The following FKBP6 variants were observed in gnomAD, a reference collection of about 807,000 sequenced individuals.
The protein encoded by FKBP6 is FKBP prolyl isomerase family member 6 (inactive), also known as inactive peptidyl-prolyl cis-trans isomerase FKBP6.
A neutral mutation model predicts 41.7 loss-of-function variants in FKBP6; 29 were observed. That is an observed-to-expected ratio of 0.70 (90% confidence interval 0.52 to 0.95). The LOEUF (loss-of-function observed/expected upper bound fraction) is 0.95, where lower values mean the gene tolerates loss of function less well. Among genes scored for constraint, FKBP6 ranks in the 40% least tolerant of loss-of-function variants. FKBP6 has a pLI of 0.00. For missense variants in FKBP6, 338 were observed against 408.7 expected (o/e 0.83, Z 1.49); for synonymous variants, 130 against 165.1 (o/e 0.79, Z 1.63).
chr7:73,341,333 G>GAGCA lies in FKBP6; in HGVS notation c.846_849dup (p.Pro284AlafsTer6). 6.2e-7 allele frequency: 1 copy of GAGCA among 1,613,818 alleles called. No homozygotes were observed. Among genetic ancestry groups the GAGCA allele is most frequent in the Non-Finnish European group, 8.5e-7 (1 of 1,179,720 alleles). On this transcript the variant is annotated frameshift_variant, in exon 7 of 9. Transcript: ENST00000252037. LOFTEE classifies it high-confidence loss of function. Reference sequence around the variant, plus strand: ...GGATTTTCTAGTTCGAGCCCAGAAGGAGCAACCCTTCAATCATGACATCAA... The same window carrying GAGCA: ...GGATTTTCTAGTTCGAGCCCAGAAGGAGCAAGCAACCCTTCAATCATGACATCAA...
rs375176794 is a variant in FKBP6, at chr7:73,330,301, G to C, written c.417G>C (p.Leu139=). Residue 139 remains leucine (L), a synonymous_variant, in exon 4 of 9, where the codon CTG becomes CTC. Transcript: ENST00000252037. ...CCACTGTCCTGTTTGAGATTGAGCT[G>C]CTTGACTTCCTGGACTGTGCTGAGT... The part of the protein sequence containing the change: ...PNTTVLFEIE[L]LDFLDCAESD... 5.6e-6 allele frequency: 9 copies of C among 1,614,074 alleles called. No homozygotes were observed. The African/African-American group carries it at 8.0e-5, about 14-fold the overall frequency.
intron 8 of FKBP6, among the ~76,000 whole-genome samples, chr7:73,344,299 C>G (rs1425956729): frequency 6.6e-6 from 1 of 152,244 alleles, no homozygotes; most frequent in African/African-American, 2.4e-5. Flanking sequence ...TCCTCGCCAT[C>G]ATGTTTGCTT....
chr7:73,335,290 C>T (rs1449221452), intron 5 of FKBP6, among the ~76,000 whole-genome samples: 2 of 152,178 alleles, frequency 1.3e-5, no homozygotes, highest in Non-Finnish European at 2.9e-5. Context: ...ATTGGGAGCT[C>T]CAGGTGCTTG....
At chr7:73,336,521 G>A (rs183005800) in intron 5 of FKBP6, among the ~76,000 whole-genome samples, 20 of 152,222 alleles carry the variant, frequency 1.3e-4, no homozygotes, top group African/African-American at 4.1e-4. Flanking sequence ...GCTGGAGCTC[G>A]TGAAAACTCA....
chr7:73,328,563 A>T lies in FKBP6; in HGVS notation c.58-12A>T, dbSNP rs781868603. The T allele has an allele frequency of 6.3e-7, 1 of 1,583,776 alleles. No homozygotes were observed. The highest frequency in any genetic ancestry group is 2.3e-5 in the East Asian group (1 of 44,272). The stretch of plus-strand genomic sequence containing the variant: ...TCTGCGGCTCTGAGGCCTGGCTTTC[A>T]TTCTCCATCAGTCCCTGTACGAGCG... On this transcript the variant is annotated splice_polypyrimidine_tract_variant and intron_variant, in intron 1 of 8. Coordinates refer to ENST00000252037, the MANE Select transcript of FKBP6 (RefSeq NM_003602.5).
chr7:73,355,751 T>C (rs1805612996), intron 8 of FKBP6, among the ~76,000 whole-genome samples: 1 of 152,010 alleles, frequency 6.6e-6, no homozygotes, highest in Admixed American at 6.6e-5. Context: ...TTTTTGGTAG[T>C]ACTTAATTTT....
intron 5 of FKBP6, among the ~76,000 whole-genome samples, chr7:73,338,021 A>G (rs2115875605): frequency 6.6e-6 from 1 of 152,156 alleles, no homozygotes; most frequent in African/African-American, 2.4e-5. Flanking sequence ...TACAAACCTC[A>G]TTCTTTTTTT....
chr7:73,347,698 G>A (rs1805370731), intron 8 of FKBP6, among the ~76,000 whole-genome samples: 2 of 152,222 alleles, frequency 1.3e-5, no homozygotes, highest in African/African-American at 4.8e-5. Flanking sequence ...AGGCTGGGGT[G>A]CAGTGGCATG....
chr7:73,335,629 G>A lies in FKBP6; in HGVS notation c.588+3853G>A, dbSNP rs151142693. Among the ~76,000 whole-genome samples, 694 of 152,274 alleles carry A rather than the reference G, an allele frequency of 4.6e-3. 4 individuals carry two copies. Among genetic ancestry groups the A allele is most frequent in the Middle Eastern group, 0.024 (7 of 294 alleles). On this transcript the variant is annotated intron_variant, in intron 5 of 8. Transcript: ENST00000252037. ...ACATAGGGGCAGTGGACGGGGTGGG[G>A]AACATTTGACCTGACCTCCTTTATT...
intron 4 of FKBP6, 93 bp from the exon 5 acceptor site, chr7:73,331,564 T>A: frequency 7.7e-7 from 1 of 1,303,330 alleles, no homozygotes; most frequent in Non-Finnish European, 1.1e-6. Flanking sequence ...CCCAGGCTGG[T>A]CTCGAACTCC....
In FKBP6 at chr7:73,342,804, C is replaced by T. The variant is rs1554549781; in HGVS notation, c.894-3C>T. 1.9e-6 allele frequency: 3 copies of T among 1,607,524 alleles called. No homozygotes were observed. Among genetic ancestry groups the T allele is most frequent in the African/African-American group, 1.3e-5 (1 of 74,986 alleles). On this transcript the variant is annotated splice_polypyrimidine_tract_variant and splice_region_variant and intron_variant, in intron 7 of 8. Transcript: ENST00000252037. ...TCTAACAAGTGTGTATTTCCCTCTC[C>T]AGCTGTTACAGGGACTATGTGGATA...
At position 73,340,568 on chromosome 7, in the gene FKBP6, G is replaced by T. The variant is rs529109249; in HGVS notation, c.589-70G>T. 1,118 of 1,293,570 alleles carry T rather than the reference G, an allele frequency of 8.6e-4. 15 individuals are homozygous for T. Among genetic ancestry groups the T allele is most frequent in the South Asian group, 8.4e-3 (705 of 84,030 alleles). The allele number at this position is 1,293,570 out of a possible 1,614,324, so 80.1% of individuals were successfully genotyped here. A position where few individuals can be genotyped will look rare whatever the true frequency, so the allele number is the denominator to read the frequency against. ...GATTTTTAGCTCTGATAGTTTTTGC[G>T]TGTGGATTCTTTAGGGTTTTGTACA... On this transcript the variant is annotated intron_variant, in intron 5 of 8. Coordinates refer to ENST00000252037, the MANE Select transcript of FKBP6 (RefSeq NM_003602.5).
At chr7:73,329,537 C>A in intron 3 of FKBP6, 88 bp downstream of exon 3, 1 of 870,824 alleles carries the variant, frequency 1.1e-6, no homozygotes, top group Non-Finnish European at 2.0e-6. Context: ...CTGCTCAGAG[C>A]GCAGGTTCTT....
chr7:73,345,671 C>G (rs1479990669), intron 8 of FKBP6, among the ~76,000 whole-genome samples: 1 of 152,184 alleles, frequency 6.6e-6, no homozygotes, highest in Non-Finnish European at 1.5e-5. Context: ...GGTTAACATA[C>G]AACAGGTGAA....
intron 7 of FKBP6, 105 bp downstream of exon 7, chr7:73,341,487 G>GTGT (rs1331339810): frequency 1.2e-6 from 1 of 811,884 alleles, no homozygotes; most frequent in Non-Finnish European, 2.2e-6. Flanking sequence ...GTTGCCCAGA[G>GTGT]TGTTAGGAGG....
In FKBP6 at chr7:73,337,711, T is replaced by C. The variant is rs76030248; in HGVS notation, c.589-2927T>C. On this transcript the variant is annotated intron_variant, in intron 5 of 8. Coordinates refer to ENST00000252037, the MANE Select transcript of FKBP6 (RefSeq NM_003602.5). Reference sequence around the variant, plus strand: ...TTTTTTTGTTTTACTATTTTTTTTCTTGTTGTTGAGATATGATTCACATAC... The same window carrying C: ...TTTTTTTGTTTTACTATTTTTTTTCCTGTTGTTGAGATATGATTCACATAC... Among the ~76,000 whole-genome samples the C allele has an allele frequency of 1.7e-4, 26 of 152,212 alleles. No individual in the cohort carries two copies. The East Asian group carries it at 5.0e-3, about 30-fold the overall frequency.
intron 8 of FKBP6, among the ~76,000 whole-genome samples, chr7:73,352,790 G>T (rs1338752451): frequency 6.6e-6 from 1 of 152,112 alleles, no homozygotes; most frequent in African/African-American, 2.4e-5. Flanking sequence ...GAAGGATGTG[G>T]TCTGCCGTCA....
At chr7:73,341,201 G>A (rs1227963050) in intron 6 of FKBP6, 72 bp from the exon 7 acceptor site, 1 of 1,067,042 alleles carries the variant, frequency 9.4e-7, no homozygotes, top group Non-Finnish European at 1.5e-6. Flanking sequence ...TGGGATTACA[G>A]GCATGAGCCA....
In FKBP6 at chr7:73,328,196, T is replaced by G; in HGVS notation, c.-233T>G. The G allele has an allele frequency of 1.3e-6, 2 of 1,548,156 alleles. No individual in the cohort carries two copies. The highest frequency in any genetic ancestry group is 1.7e-6 in the Non-Finnish European group (2 of 1,145,978). ...GTGCGCTCCCATTACGGATCATACC[T>G]CGCACCTCACCGCGTGGCCTCTGTA... On this transcript the variant is annotated 5_prime_UTR_variant, in exon 1 of 9. Coordinates refer to ENST00000252037, the MANE Select transcript of FKBP6 (RefSeq NM_003602.5).
Sources: allele counts gnomAD v4.1 joint callset (sites outside exome capture counted in the v4.1 genomes callset), GRCh38; gene constraint gnomAD v4.1.1; transcripts MANE v1.5; gene names NCBI Gene and HGNC (gene_info 2026-07-23, HGNC 2026-07-21).